CLSTN2: variants seen among roughly 807,000 people sequenced by gnomAD.
The protein encoded by CLSTN2 is calsyntenin 2.
A neutral mutation model predicts 101.2 loss-of-function variants in CLSTN2; 48 were observed. The observed-to-expected ratio is 0.47, with a 90% confidence interval of 0.38 to 0.60. The LOEUF (loss-of-function observed/expected upper bound fraction) is 0.60. Among genes scored for constraint, CLSTN2 ranks in the 20% least tolerant of loss-of-function variants. The pLI is 0.00. For synonymous variants in CLSTN2, 481 were observed against 463.6 expected (o/e 1.04, Z -0.48); for missense variants, 1,160 against 1,238.2 (o/e 0.94, Z 0.95).
chr3:140,027,799 A>G (rs1436551918), intron 1 of CLSTN2, among the ~76,000 whole-genome samples: 1 of 152,208 alleles, frequency 6.6e-6, no homozygotes, highest in Non-Finnish European at 1.5e-5. Context: ...TTCCGCAAAG[A>G]TCTTTTAACC....
At chr3:140,236,098 TCTGTG>T in intron 2 of CLSTN2, among the ~76,000 whole-genome samples, 1 of 152,274 alleles carries the variant, frequency 6.6e-6, no homozygotes, top group South Asian at 2.1e-4. Flanking sequence ...ATTGGTGATT[TCTGTG>T]GGCCTCTCCA....
intron 1 of CLSTN2, among the ~76,000 whole-genome samples, chr3:140,142,337 C>G (rs569496199): frequency 6.6e-6 from 1 of 152,156 alleles, no homozygotes; most frequent in Non-Finnish European, 1.5e-5. Context: ...AAAGGCCACT[C>G]ATAGAGGGAC....
chr3:140,038,016 A>T (rs4683471), intron 1 of CLSTN2, among the ~76,000 whole-genome samples: 13 of 152,096 alleles, frequency 8.5e-5, no homozygotes, highest in Admixed American at 2.6e-4. Flanking sequence ...TACACGTGCA[A>T]GTATCTCTAT....
At chr3:140,386,953 C>A (rs1406636840) in intron 2 of CLSTN2, among the ~76,000 whole-genome samples, 3 of 152,174 alleles carry the variant, frequency 2.0e-5, no homozygotes, top group Admixed American at 6.5e-5. Flanking sequence ...CTAACCTTGA[C>A]CAAAGCACAT....
chr3:139,942,293 C>G (rs1935144520), intron 1 of CLSTN2, among the ~76,000 whole-genome samples: 1 of 152,160 alleles, frequency 6.6e-6, no homozygotes, highest in Non-Finnish European at 1.5e-5. Flanking sequence ...CAGCTTGAAG[C>G]CCTCCTCACC....
chr3:139,971,525 A>T (rs1203340334), intron 1 of CLSTN2, among the ~76,000 whole-genome samples: 14 of 152,226 alleles, frequency 9.2e-5, no homozygotes, highest in Non-Finnish European at 4.4e-5. Flanking sequence ...AGCATTGCAG[A>T]CTTCCTGGAG....
chr3:140,215,771 G>T (rs1302335073), intron 2 of CLSTN2, among the ~76,000 whole-genome samples: 1 of 152,098 alleles, frequency 6.6e-6, no homozygotes, highest in Non-Finnish European at 1.5e-5. Flanking sequence ...CTTTCAAACC[G>T]CATTGTTATA....
intron 8 of CLSTN2, among the ~76,000 whole-genome samples, chr3:140,483,226 G>T (rs952309067): frequency 1.3e-5 from 2 of 152,160 alleles, no homozygotes; most frequent in African/African-American, 4.8e-5. Context: ...GGAGCAGGTT[G>T]CTTGGTTTCC....
chr3:140,236,009 A>T (rs932941873), intron 2 of CLSTN2, among the ~76,000 whole-genome samples: 18 of 152,118 alleles, frequency 1.2e-4, no homozygotes, highest in African/African-American at 4.3e-4. Context: ...TCCTGCCTGC[A>T]ACTCATTCTG....
At chr3:140,354,558 T>C (rs1354412358) in intron 2 of CLSTN2, among the ~76,000 whole-genome samples, 1 of 152,108 alleles carries the variant, frequency 6.6e-6, no homozygotes, top group Non-Finnish European at 1.5e-5. Context: ...TACAAAATCC[T>C]CCCCAACTCC....
In CLSTN2 at chr3:139,999,555, C is replaced by T. The variant is rs2006773464; in HGVS notation, c.109+64072C>T. ...GGACCCTGTGGGTTATCTGCTTGGT[C>T]AGAGAGGGGCAGCTCTTCTGAGGGC... is the stretch of plus-strand genomic sequence containing the variant. On this transcript the variant is annotated intron_variant, in intron 1 of 16. Coordinates refer to ENST00000458420, the MANE Select transcript of CLSTN2 (RefSeq NM_022131.3). 1.3e-5 allele frequency among the ~76,000 whole-genome samples: 2 copies of T among 152,006 alleles called. 1 individual carries two copies. Among genetic ancestry groups the T allele is most frequent in the Non-Finnish European group, 2.9e-5 (2 of 67,990 alleles).
chr3:140,562,344 G>A, intron 13 of CLSTN2, 36 bp downstream of exon 13: 1 of 1,583,050 alleles, frequency 6.3e-7, no homozygotes, highest in Non-Finnish European at 8.6e-7. Context: ...CCCCAAGGGT[G>A]TCCTCTTAGA....
At chr3:140,377,648 A>C (rs2087931464) in intron 2 of CLSTN2, among the ~76,000 whole-genome samples, 1 of 152,136 alleles carries the variant, frequency 6.6e-6, no homozygotes, top group Admixed American at 6.5e-5. Flanking sequence ...TAAAGAAAGA[A>C]AACATTTTTT....
At chr3:140,381,969 TCTC>T (rs1388719817) in intron 2 of CLSTN2, among the ~76,000 whole-genome samples, 1 of 152,088 alleles carries the variant, frequency 6.6e-6, no homozygotes, top group Admixed American at 6.5e-5. Flanking sequence ...GCTACCAACT[TCTC>T]CTTCTCTATG....
At chr3:139,966,008 C>G (rs143016608) in intron 1 of CLSTN2, among the ~76,000 whole-genome samples, 30 of 152,300 alleles carry the variant, frequency 2.0e-4, no homozygotes, top group African/African-American at 6.7e-4. Flanking sequence ...CAATGGAACA[C>G]AGCCAGGTGC....
chr3:140,377,914 A>G (rs1339109011), intron 2 of CLSTN2, among the ~76,000 whole-genome samples: 1 of 152,210 alleles, frequency 6.6e-6, no homozygotes, highest in African/African-American at 2.4e-5. Context: ...TGCAGGCTGC[A>G]TTCATGGTAA....
intron 1 of CLSTN2, among the ~76,000 whole-genome samples, chr3:140,140,761 G>A (rs2009684283): frequency 6.6e-6 from 1 of 152,154 alleles, no homozygotes; most frequent in Admixed American, 6.5e-5. Context: ...CTTTAAAGTG[G>A]CAAAGTCAGG....
At chr3:139,950,961 CT>C (rs2074227764) in intron 1 of CLSTN2, among the ~76,000 whole-genome samples, 1 of 152,114 alleles carries the variant, frequency 6.6e-6, no homozygotes. Flanking sequence ...GGCGATGTGA[CT>C]TTTTTAAATG....
intron 2 of CLSTN2, among the ~76,000 whole-genome samples, chr3:140,199,912 T>C (rs1484585020): frequency 1.3e-5 from 2 of 152,222 alleles, no homozygotes; most frequent in Non-Finnish European, 2.9e-5. Context: ...TGTTTGAAAT[T>C]GCAAAGGTCT....
Sources: allele counts gnomAD v4.1 joint callset (sites outside exome capture counted in the v4.1 genomes callset), GRCh38; gene constraint gnomAD v4.1.1; transcripts MANE v1.5; gene names NCBI Gene and HGNC (gene_info 2026-07-23, HGNC 2026-07-21).